The following TMEM238 variants were observed in gnomAD, a reference collection of about 807,000 sequenced individuals.
TMEM238 encodes the protein transmembrane protein 238.
For missense variants in TMEM238, 169 were observed against 206.8 expected, an observed-to-expected ratio of 0.82 and a Z score of 1.12; for synonymous variants, 103 against 111.5, an observed-to-expected ratio of 0.92 and a Z score of 0.48.
intron 1 of TMEM238, among the ~76,000 whole-genome samples, chr19:55,380,519 G>C (rs1415466121): frequency 3.4e-5 from 5 of 148,482 alleles, no homozygotes; most frequent in Non-Finnish European, 5.9e-5. Context: ...CCGCCTCCCA[G>C]ATTCAAGTGA....
At chr19:55,381,342 C>T (rs60231521) in intron 1 of TMEM238, among the ~76,000 whole-genome samples, 8,613 of 131,490 alleles carry the variant, frequency 0.066, 350 homozygotes, top group African/African-American at 0.12. Context: ...TGCTTGAACG[C>T]GGGAGGCAGA....
chr19:55,382,348 T>G (rs1381466221), intron 1 of TMEM238, among the ~76,000 whole-genome samples: 1 of 152,208 alleles, frequency 6.6e-6, no homozygotes, highest in African/African-American at 2.4e-5. Context: ...TGGGCAATGC[T>G]AGGAACAAGG....
At chr19:55,381,371 T>C (rs960168290) in intron 1 of TMEM238, among the ~76,000 whole-genome samples, 7 of 139,982 alleles carry the variant, frequency 5.0e-5, no homozygotes, top group African/African-American at 8.6e-5. Context: ...TGAGCCGAGA[T>C]TGCGCCACTG....
At chr19:55,381,029 C>T (rs550253219) in intron 1 of TMEM238, among the ~76,000 whole-genome samples, 11 of 152,342 alleles carry the variant, frequency 7.2e-5, no homozygotes, top group African/African-American at 2.4e-4. Context: ...AGTTCCTTCA[C>T]TGAATCACGG....
chr19:55,383,704 G>A lies in TMEM238; in HGVS notation c.*7+18C>T, dbSNP rs2089895096. On this transcript the variant is annotated intron_variant, in intron 1 of 1. Coordinates refer to ENST00000444469, the MANE Select transcript of TMEM238 (RefSeq NM_001190764.2). The surrounding 1 kb of genome is among the most constrained non-coding windows in gnomAD (Gnocchi z 4.9). ...CTCGGTCCCTCCGTCTCCCCGCCCT[G>A]CCCCGCCCGCCCCTCACCTGGGCCT... The A allele has an allele frequency of 1.2e-5, 3 of 255,850 alleles. No individual in the cohort carries two copies. The highest frequency in any genetic ancestry group is 1.2e-4 in the East Asian group (2 of 16,466). 15.8% of individuals were successfully genotyped at this position (255,850 alleles called of 1,614,324 possible).
intron 1 of TMEM238, among the ~76,000 whole-genome samples, chr19:55,380,247 G>A (rs1243411059): frequency 6.8e-6 from 1 of 147,974 alleles, no homozygotes; most frequent in Non-Finnish European, 1.5e-5. Flanking sequence ...AGACGTTTAA[G>A]CTACGTAAAG....
In TMEM238 at chr19:55,383,772, G is replaced by T. The variant is rs2089895555; in HGVS notation, c.488C>A (p.Thr163Lys). ...CGCCGCCCCGGGCCCGGCCTCGAGC[G>T]TGGCGAGCTGCAGGCGCACGCGGCG... is the stretch of plus-strand genomic sequence containing the variant. Reference protein sequence around the residue: ...GSRRVRLQLATLEAGPGAAGA... With the variant: ...GSRRVRLQLAKLEAGPGAAGA... Residue 163 changes from threonine to lysine, a missense_variant, in exon 1 of 2, where the codon ACG becomes AAG. Transcript: ENST00000444469. This position sits in a 1 kb window ranked among gnomAD's most constrained non-coding sequence, Gnocchi z 4.9. 3 of 280,552 alleles carry T rather than the reference G, an allele frequency of 1.1e-5. No individual in the cohort carries two copies. Among genetic ancestry groups the T allele is most frequent in the Non-Finnish European group, 1.2e-5 (2 of 161,742 alleles). 17.4% of individuals were successfully genotyped at this position (280,552 alleles called of 1,614,324 possible). A position where few individuals can be genotyped will look rare whatever the true frequency, so the allele number is the denominator to read the frequency against.
Position 55,384,142 on chromosome 19 carries a change from GC to G in TMEM238, c.117del (p.Leu40TrpfsTer14). On this transcript the variant is annotated frameshift_variant, in exon 1 of 2. Transcript: ENST00000444469. LOFTEE classifies it low-confidence loss of function (END_TRUNC). This position sits in a 1 kb window ranked among gnomAD's most constrained non-coding sequence, Gnocchi z 5.6. ...CCCGCCACATCCAGCGCCACGGCCA[GC>G]AGCAGCGCCATCCGGCAGCGGCCCA... ...AGLGRCRMAL[L>X]LAVALDVAGM... The G allele has an allele frequency of 7.1e-7, 1 of 1,407,006 alleles. No homozygotes were observed. Among genetic ancestry groups the G allele is most frequent in the Non-Finnish European group, 9.3e-7 (1 of 1,070,262 alleles). The allele number at this position is 1,407,006 out of a possible 1,614,324, so 87.2% of individuals were successfully genotyped here.
In TMEM238 at chr19:55,383,977, C is replaced by G. The variant is rs2089897409; in HGVS notation, c.283G>C (p.Glu95Gln). The change falls in exon 1 of 2, where the codon GAG (glutamate) becomes CAG (glutamine). Residue 95 changes from glutamate to glutamine, a missense_variant. Transcript: ENST00000444469. The surrounding 1 kb of genome is among the most constrained non-coding windows in gnomAD (Gnocchi z 4.9). ...GWILWYTGNIEISRQELERDY... is the reference protein window; with the variant it reads ...GWILWYTGNIQISRQELERDY... Reference sequence around the variant, plus strand: ...CGCTCCAGCTCCTGGCGCGAGATCTCGATGTTGCCGGTGTACCAGAGGATC... The same window carrying G: ...CGCTCCAGCTCCTGGCGCGAGATCTGGATGTTGCCGGTGTACCAGAGGATC... 1 of 1,415,856 alleles carries G rather than the reference C, an allele frequency of 7.1e-7. No individual in the cohort carries two copies. Among genetic ancestry groups the G allele is most frequent in the Non-Finnish European group, 9.3e-7 (1 of 1,075,578 alleles). The allele number at this position is 1,415,856 out of a possible 1,614,324, so 87.7% of individuals were successfully genotyped here.
chr19:55,383,974 T>G lies in TMEM238; in HGVS notation c.286A>C (p.Ile96Leu). ...WILWYTGNIEISRQELERDYG... is the reference protein window; with the variant it reads ...WILWYTGNIELSRQELERDYG... ...TCGCGCTCCAGCTCCTGGCGCGAGA[T>G]CTCGATGTTGCCGGTGTACCAGAGG... The change falls in exon 1 of 2, where the codon ATC becomes CTC. Residue 96 changes from isoleucine to leucine, a missense_variant. Physicochemically the swap from Ile to Leu is conservative, Grantham distance 5 (BLOSUM62 2). Coordinates refer to ENST00000444469, the MANE Select transcript of TMEM238 (RefSeq NM_001190764.2). The surrounding 1 kb of genome is among the most constrained non-coding windows in gnomAD (Gnocchi z 4.9). 7.1e-7 allele frequency: 1 copy of G among 1,411,290 alleles called. No individual in the cohort carries two copies. The highest frequency in any genetic ancestry group is 9.3e-7 in the Non-Finnish European group (1 of 1,073,008). 87.4% of individuals were successfully genotyped at this position (1,411,290 alleles called of 1,614,324 possible). A position where few individuals can be genotyped will look rare whatever the true frequency, so the allele number is the denominator to read the frequency against.
rs536844572 is a variant in TMEM238 at position 55,383,521 on chromosome 19, C to T, written c.*7+201G>A. 1.3e-5 allele frequency among the ~76,000 whole-genome samples: 2 copies of T among 152,328 alleles called. No individual in the cohort carries two copies. The highest frequency in any genetic ancestry group is 3.9e-4 in the East Asian group (2 of 5,174). ...ATCTCCAGGGGCAGGGTCTCACAGC[C>T]TCCCCCACGTATGCACCTGTGCTTG... On this transcript the variant is annotated intron_variant, in intron 1 of 1. Coordinates refer to ENST00000444469, the MANE Select transcript of TMEM238 (RefSeq NM_001190764.2). The surrounding 1 kb of genome is among the most constrained non-coding windows in gnomAD (Gnocchi z 4.9).
At chr19:55,382,143 G>A (rs1018909353) in intron 1 of TMEM238, among the ~76,000 whole-genome samples, 4 of 139,114 alleles carry the variant, frequency 2.9e-5, no homozygotes, top group African/African-American at 1.1e-4. Flanking sequence ...ATCCATCCAC[G>A]CACCCATCGA....
At chr19:55,381,006 G>T (rs1490323612) in intron 1 of TMEM238, among the ~76,000 whole-genome samples, 3 of 152,210 alleles carry the variant, frequency 2.0e-5, no homozygotes, top group Non-Finnish European at 2.9e-5. Context: ...AGATGTTCAT[G>T]CTTTCTTACC....
chr19:55,384,280 G>A lies in TMEM238; in HGVS notation c.-21C>T. ...GCCATGGCCCTGCACCGCCGCCGCTGGCGCCCAGAGAGAGCGTTCCGGGGT... is the reference window on the plus strand; with the variant it reads ...GCCATGGCCCTGCACCGCCGCCGCTAGCGCCCAGAGAGAGCGTTCCGGGGT... On this transcript the variant is annotated 5_prime_UTR_variant, in exon 1 of 2. Coordinates refer to ENST00000444469, the MANE Select transcript of TMEM238 (RefSeq NM_001190764.2). The surrounding 1 kb of genome is among the most constrained non-coding windows in gnomAD (Gnocchi z 5.6). 9.3e-7 allele frequency: 1 copy of A among 1,078,066 alleles called. No homozygotes were observed. The highest frequency in any genetic ancestry group is 1.1e-6 in the Non-Finnish European group (1 of 890,974). The allele number at this position is 1,078,066 out of a possible 1,614,324, so 66.8% of individuals were successfully genotyped here.
chr19:55,383,906 C>T lies in TMEM238; in HGVS notation c.354G>A (p.Lys118=). Reference sequence around the variant, plus strand: ...CGGGCGCCGACCAGCGGCGGGAGAGCTTGCGCGCCAGGCGGGCGAGCGCCG... The same window carrying T: ...CGGGCGCCGACCAGCGGCGGGAGAGTTTGCGCGCCAGGCGGGCGAGCGCCG... The part of the protein sequence containing the change: ...RPSALARLAR[K]LSRRWSAPAA... Residue 118 remains lysine, a synonymous_variant, in exon 1 of 2, where the codon AAG becomes AAA. Coordinates refer to ENST00000444469, the MANE Select transcript of TMEM238 (RefSeq NM_001190764.2). The surrounding 1 kb of genome is among the most constrained non-coding windows in gnomAD (Gnocchi z 4.9). 1 of 1,183,710 alleles carries T rather than the reference C, an allele frequency of 8.4e-7. No homozygotes were observed. Among genetic ancestry groups the T allele is most frequent in the South Asian group, 2.8e-5 (1 of 35,162 alleles). 73.3% of individuals were successfully genotyped at this position (1,183,710 alleles called of 1,614,324 possible).
At chr19:55,379,525 A>G (rs2089876132) in intron 1 of TMEM238, among the ~76,000 whole-genome samples, 158 bp from the exon 2 acceptor site, 1 of 152,060 alleles carries the variant, frequency 6.6e-6, no homozygotes, top group African/African-American at 2.4e-5. Flanking sequence ...GCATGCCCCC[A>G]TTTGCTGAGT....
chr19:55,383,991 T>G lies in TMEM238; in HGVS notation c.269A>C (p.Tyr90Ser). Reference sequence around the variant, plus strand: ...GCGCGAGATCTCGATGTTGCCGGTGTACCAGAGGATCCAGCCCAGCAGGCT... The same window carrying G: ...GCGCGAGATCTCGATGTTGCCGGTGGACCAGAGGATCCAGCCCAGCAGGCT... ...FLSLLGWILW[Y>S]TGNIEISRQE... is the part of the protein sequence containing the mutation. The change falls in exon 1 of 2, where the codon TAC becomes TCC. Residue 90 changes from tyrosine (Y) to serine (S), a missense_variant. Transcript: ENST00000444469. This position sits in a 1 kb window ranked among gnomAD's most constrained non-coding sequence, Gnocchi z 4.9. 1 of 1,443,342 alleles carries G rather than the reference T, an allele frequency of 6.9e-7. No homozygotes were observed. The highest frequency in any genetic ancestry group is 9.2e-7 in the Non-Finnish European group (1 of 1,091,808). 89.4% of individuals were successfully genotyped at this position (1,443,342 alleles called of 1,614,324 possible).
chr19:55,384,039 G>T lies in TMEM238; in HGVS notation c.221C>A (p.Ser74Ter). 2 of 1,484,618 alleles carry T rather than the reference G, an allele frequency of 1.3e-6. No individual in the cohort carries two copies. The highest frequency in any genetic ancestry group is 1.8e-6 in the Non-Finnish European group (2 of 1,115,586). 92.0% of individuals were successfully genotyped at this position (1,484,618 alleles called of 1,614,324 possible). Reference protein sequence around the residue: ...GRDFGDLLIYSGALLVFLSLL... With the variant: ...GRDFGDLLIY ...GCTCAGGAACACCAGCAGCGCGCCC[G>T]AGTAGATGAGCAGGTCCCCGAAGTC... Residue 74 changes from serine (S) to a stop codon, truncating the protein, a stop_gained, in exon 1 of 2, where the codon TCG (serine) becomes TAG (stop). Coordinates refer to ENST00000444469, the MANE Select transcript of TMEM238 (RefSeq NM_001190764.2). LOFTEE classifies it low-confidence loss of function (END_TRUNC). The surrounding 1 kb of genome is among the most constrained non-coding windows in gnomAD (Gnocchi z 5.6).
intron 1 of TMEM238, among the ~76,000 whole-genome samples, chr19:55,380,566 A>T (rs2089882538): frequency 6.7e-6 from 1 of 149,726 alleles, no homozygotes; most frequent in Non-Finnish European, 1.5e-5. Flanking sequence ...CTGGGATTAC[A>T]GGCGTCCGCC....
Sources: gnomAD v4.1 joint callset for allele counts (sites outside exome capture counted in the v4.1 genomes callset) on GRCh38, gnomAD v4.1.1 for gene constraint, Gnocchi (gnomAD v3.1) non-coding constraint, MANE v1.5 for transcripts, NCBI Gene and HGNC (gene_info 2026-07-23, HGNC 2026-07-21) for gene names.